NREP: variants seen among roughly 807,000 people sequenced by gnomAD.
The protein encoded by NREP is neuronal regeneration-related protein.
NREP carries 5 observed loss-of-function variants against 8.6 expected under a neutral mutation model. That is an observed-to-expected ratio of 0.58 (90% CI 0.30 to 1.22). NREP has a LOEUF of 1.22. Among genes scored for constraint, NREP ranks in the 50% most tolerant of loss-of-function variants. The probability of loss-of-function intolerance (pLI) is 0.07; values close to 1 mark genes in which losing one functional copy is unlikely to be tolerated. For missense variants in NREP, 86 were observed against 82.5 expected, an observed-to-expected ratio of 1.04 and a Z score of -0.17; for synonymous variants, 27 against 28.0, an observed-to-expected ratio of 0.96 and a Z score of 0.11.
chr5:111,918,461 T>C (rs11241145), intron 2 of NREP, among the ~76,000 whole-genome samples: 60,752 of 151,948 alleles, frequency 0.4, 14,566 homozygotes, highest in Non-Finnish European at 0.55. Context: ...AAACTAACTA[T>C]ACTACATGGC....
chr5:111,873,017 T>C (rs895043947), intron 2 of NREP, among the ~76,000 whole-genome samples: 1 of 152,168 alleles, frequency 6.6e-6, no homozygotes, highest in Admixed American at 6.6e-5. Flanking sequence ...TCGCATCACT[T>C]ATTTAACTGC....
chr5:111,967,783 C>A (rs1269954775), intron 2 of NREP, among the ~76,000 whole-genome samples: 1 of 151,932 alleles, frequency 6.6e-6, no homozygotes, highest in Non-Finnish European at 1.5e-5. Context: ...AACTTGTAAA[C>A]TTTTTAATTT....
chr5:111,926,675 G>T (rs1186224727), intron 2 of NREP, among the ~76,000 whole-genome samples: 1 of 151,988 alleles, frequency 6.6e-6, no homozygotes, highest in Non-Finnish European at 1.5e-5. Flanking sequence ...CGAGAGGAGT[G>T]CAGGCTGAAG....
intron 2 of NREP, among the ~76,000 whole-genome samples, chr5:111,753,472 A>C (rs1358235334): frequency 1.3e-5 from 2 of 151,336 alleles, no homozygotes; most frequent in South Asian, 4.2e-4. Flanking sequence ...GTAAAACATT[A>C]TCATTTTAGA....
At chr5:111,761,663 T>C (rs1308359497), upstream of NREP, among the ~76,000 whole-genome samples, 1 of 152,228 alleles carries the variant, frequency 6.6e-6, no homozygotes, top group Non-Finnish European at 1.5e-5. Context: ...ACATCCATTA[T>C]CCCTTTCTTC....
intron 2 of NREP, among the ~76,000 whole-genome samples, chr5:111,766,039 C>G (rs1427941953): frequency 6.6e-6 from 1 of 152,146 alleles, no homozygotes; most frequent in Non-Finnish European, 1.5e-5. Context: ...GGTTCCCTCT[C>G]CCCACTTCAC....
intron 2 of NREP, among the ~76,000 whole-genome samples, chr5:111,767,558 C>G (rs1483467901): frequency 1.3e-5 from 2 of 152,170 alleles, no homozygotes; most frequent in Non-Finnish European, 2.9e-5. Context: ...GGTCTCACGT[C>G]CACGTACTCC....
chr5:111,957,551 G>C (rs1225007683), intron 2 of NREP, among the ~76,000 whole-genome samples: 2 of 151,024 alleles, frequency 1.3e-5, no homozygotes, highest in African/African-American at 2.4e-5. Context: ...AAAAGAAAAT[G>C]TGTTATCTAT....
At chr5:111,731,181 A>C in intron 3 of NREP, 135 bp from the exon 4 acceptor site, 1 of 863,290 alleles carries the variant, frequency 1.2e-6, no homozygotes. Flanking sequence ...GCTGTTTTGC[A>C]AAACAGAGTT....
intron 2 of NREP, among the ~76,000 whole-genome samples, chr5:111,849,275 G>T (rs186983117): frequency 9.3e-4 from 141 of 152,168 alleles, no homozygotes; most frequent in Non-Finnish European, 1.7e-3. Flanking sequence ...AGGGAACAGG[G>T]GATGCAAATT....
chr5:111,729,510 G>A lies in NREP; in HGVS notation c.*1411C>T, dbSNP rs1386222512. 1.3e-5 allele frequency: 2 copies of A among 152,620 alleles called. No homozygotes were observed. The highest frequency in any genetic ancestry group is 2.4e-5 in the African/African-American group (1 of 41,442). The allele number at this position is 152,620 out of a possible 1,614,324, so 9.5% of individuals were successfully genotyped here. A position where few individuals can be genotyped will look rare whatever the true frequency, so the allele number is the denominator to read the frequency against. On this transcript the variant is annotated 3_prime_UTR_variant, in exon 4 of 4. Transcript: ENST00000257435. ...ACACAGCTGATATACCTATTCTAAC[G>A]AAGGAGGGAGAGGAGTAATGCACAA...
chr5:111,966,723 T>C (rs1756653071), intron 2 of NREP, among the ~76,000 whole-genome samples: 1 of 152,230 alleles, frequency 6.6e-6, no homozygotes, highest in African/African-American at 2.4e-5. Context: ...CCTTTTACTT[T>C]ATATACTTAA....
intron 2 of NREP, among the ~76,000 whole-genome samples, chr5:111,822,738 G>C (rs960348036): frequency 1.4e-5 from 2 of 138,074 alleles, no homozygotes; most frequent in African/African-American, 5.0e-5. Context: ...AGCTCAAATA[G>C]TCAACAATTA....
chr5:111,874,233 C>T (rs1286472776), intron 2 of NREP, among the ~76,000 whole-genome samples: 6 of 152,148 alleles, frequency 3.9e-5, no homozygotes, highest in Non-Finnish European at 5.9e-5. Context: ...TTCTCTTTAT[C>T]AGTCCAGATG....
At chr5:111,922,018 T>A (rs1201412725) in intron 2 of NREP, among the ~76,000 whole-genome samples, 2 of 152,136 alleles carry the variant, frequency 1.3e-5, no homozygotes, top group Non-Finnish European at 2.9e-5. Flanking sequence ...CGCTTTTTCT[T>A]CCCAGTCTCA....
chr5:111,731,430 T>TAAAAA (rs11376552), intron 3 of NREP, among the ~76,000 whole-genome samples: 3 of 141,492 alleles, frequency 2.1e-5, no homozygotes, highest in South Asian at 2.3e-4. Context: ...TTGATAATTA[T>TAAAAA]AAAAAAAAAA....
In NREP at chr5:111,851,643, G is replaced by A. The variant is rs1325620285; in HGVS notation, c.136-116136C>T. Among the ~76,000 whole-genome samples, 5 of 152,162 alleles carry A rather than the reference G, an allele frequency of 3.3e-5. No individual in the cohort carries two copies. The East Asian group carries it at 9.7e-4, about 29-fold the overall frequency. On this transcript the variant is annotated intron_variant, in intron 2 of 3. Transcript: ENST00000395634. ...TGGTTATCAGAGGCTGGGGTGGTAG[G>A]GAAGTTGGAGATGTTGATCAAAGGA...
chr5:111,939,786 G>A (rs1279459938), intron 2 of NREP, among the ~76,000 whole-genome samples: 1 of 151,932 alleles, frequency 6.6e-6, no homozygotes, highest in African/African-American at 2.4e-5. Flanking sequence ...AGCACAAGAG[G>A]GCTGCTATGT....
intron 2 of NREP, among the ~76,000 whole-genome samples, chr5:111,904,826 A>G (rs1381523485): frequency 6.6e-6 from 1 of 152,140 alleles, no homozygotes; most frequent in Non-Finnish European, 1.5e-5. Context: ...TGCAGAAAAC[A>G]AGACCAAGAA....
Sources: gnomAD v4.1 joint callset for allele counts (sites outside exome capture counted in the v4.1 genomes callset) on GRCh38, gnomAD v4.1.1 for gene constraint, MANE v1.5 for transcripts, NCBI Gene and HGNC (gene_info 2026-07-23, HGNC 2026-07-21) for gene names.